SESTD1: variants seen among roughly 807,000 people sequenced by gnomAD.
The protein encoded by SESTD1 is SEC14 and spectrin domain containing 1.
In SESTD1, 43 loss-of-function variants were observed where a neutral mutation model predicts 101.7. The ratio of observed to expected loss-of-function variants is 0.42; its 90% CI spans 0.33 to 0.55. The LOEUF (loss-of-function observed/expected upper bound fraction) is 0.55. Ranked by LOEUF, SESTD1 falls within the 20% of genes least tolerant of loss-of-function variation. SESTD1 has a pLI of 0.07. For missense variants in SESTD1, 647 were observed against 815.1 expected, an observed-to-expected ratio of 0.79 and a Z score of 2.51; for synonymous variants, 283 against 286.8, an observed-to-expected ratio of 0.99 and a Z score of 0.13.
chr2:179,196,362 T>C (rs1057151025), intron 1 of SESTD1, among the ~76,000 whole-genome samples: 4 of 152,154 alleles, frequency 2.6e-5, no homozygotes, highest in Non-Finnish European at 4.4e-5. Context: ...AACTGCAAGG[T>C]GGCAGTGAGG....
In SESTD1 at chr2:179,113,994, TTC is replaced by T. The variant is rs150079812; in HGVS notation, c.1839+1069_1839+1070del. On this transcript the variant is annotated intron_variant, in intron 16 of 17. Transcript: ENST00000428443. ...GGGGAGCTTCTGGGTGCTGGTAATGTTCTGTTTTTTTTGAACAGTACACTGAG... is the reference window on the plus strand; with the variant it reads ...GGGGAGCTTCTGGGTGCTGGTAATGTTGTTTTTTTTGAACAGTACACTGAG... Among the ~76,000 whole-genome samples, 641 of 152,234 alleles carry T rather than the reference TTC, an allele frequency of 4.2e-3. 2 individuals carry two copies. Among genetic ancestry groups the T allele is most frequent in the African/African-American group, 0.014 (593 of 41,540 alleles).
At chr2:179,192,322 T>C (rs1332798798) in intron 1 of SESTD1, among the ~76,000 whole-genome samples, 1 of 152,208 alleles carries the variant, frequency 6.6e-6, no homozygotes. Context: ...TAATGCCAAA[T>C]ATCTGATTCT....
chr2:179,116,430 C>T (rs1486543774), intron 15 of SESTD1: 9 of 549,766 alleles, frequency 1.6e-5, no homozygotes, highest in Admixed American at 3.0e-5. Context: ...TTAAAAATGC[C>T]GTAATACATA....
chr2:179,149,720 G>C (rs537489380), intron 6 of SESTD1, among the ~76,000 whole-genome samples: 10 of 152,124 alleles, frequency 6.6e-5, no homozygotes, highest in African/African-American at 2.4e-4. Context: ...TTTAGAACAC[G>C]CTAAGTCTCT....
rs533767431 is a variant in SESTD1 at position 179,107,186 on chromosome 2, G to C, written c.*2713C>G. On this transcript the variant is annotated 3_prime_UTR_variant, in exon 18 of 18. Transcript: ENST00000428443. ...TTTTTCACACGTTTACCTTAAGTGA[G>C]CTTTGACCCTATGGAAGAAAGTTGC... 5 of 152,158 alleles carry C rather than the reference G, an allele frequency of 3.3e-5. No homozygotes were observed. The highest frequency in any genetic ancestry group is 7.4e-5 in the Non-Finnish European group (5 of 68,020). 9.4% of individuals were successfully genotyped at this position (152,158 alleles called of 1,614,324 possible).
At chr2:179,238,949 C>A (rs892792105) in intron 1 of SESTD1, among the ~76,000 whole-genome samples, 12 of 152,290 alleles carry the variant, frequency 7.9e-5, no homozygotes, top group African/African-American at 2.9e-4. Flanking sequence ...AAATTAAATA[C>A]ATTAACTACT....
intron 1 of SESTD1, among the ~76,000 whole-genome samples, chr2:179,262,212 G>A (rs906351210): frequency 7.9e-5 from 12 of 152,114 alleles, no homozygotes; most frequent in African/African-American, 2.9e-4. Flanking sequence ...GGGGAAGGGG[G>A]AATAGTAACA....
At chr2:179,225,750 A>T (rs112103349) in intron 1 of SESTD1, among the ~76,000 whole-genome samples, 2 of 152,252 alleles carry the variant, frequency 1.3e-5, no homozygotes, top group African/African-American at 4.8e-5. Context: ...AAAGTGGGAG[A>T]GCAAGAGAGC....
At chr2:179,145,581 G>A (rs764488771) in intron 8 of SESTD1, among the ~76,000 whole-genome samples, 1 of 152,196 alleles carries the variant, frequency 6.6e-6, no homozygotes, top group South Asian at 2.1e-4. Flanking sequence ...TAGAGTTTGT[G>A]AAACTGCTAC....
At position 179,107,604 on chromosome 2, in the gene SESTD1, TAAGAA is replaced by T. The variant is rs2044412036; in HGVS notation, c.*2290_*2294del. The T allele has an allele frequency of 6.6e-6, 1 of 152,132 alleles. No homozygotes were observed. The allele number at this position is 152,132 out of a possible 1,614,324, so 9.4% of individuals were successfully genotyped here. A position where few individuals can be genotyped will look rare whatever the true frequency, so the allele number is the denominator to read the frequency against. ...CTAAAGTAGTTAGTATCTAAGAATC[TAAGAA>T]TAGATTCACTTGTAAGTCAGTTCTA... On this transcript the variant is annotated 3_prime_UTR_variant, in exon 18 of 18. Coordinates refer to ENST00000428443, the MANE Select transcript of SESTD1 (RefSeq NM_178123.5).
At position 179,259,052 on chromosome 2, in the gene SESTD1, A is replaced by G. The variant is rs75043905; in HGVS notation, c.-26+5447T>C. ...ATCCCAGGAGTGAATACTTGTAATG[A>G]GCCAAAGAATATTCCCAGGACTGGG... On this transcript the variant is annotated intron_variant, in intron 1 of 17. Transcript: ENST00000428443. Among the ~76,000 whole-genome samples, 643 of 152,296 alleles carry G rather than the reference A, an allele frequency of 4.2e-3. 2 individuals are homozygous for G. Among genetic ancestry groups the G allele is most frequent in the African/African-American group, 0.014 (594 of 41,550 alleles).
intron 1 of SESTD1, among the ~76,000 whole-genome samples, chr2:179,207,100 G>C (rs1287723928): frequency 7.5e-6 from 1 of 133,458 alleles, no homozygotes; most frequent in African/African-American, 3.0e-5. Flanking sequence ...CGATGGTTTT[G>C]CTCTATCTGC....
intron 1 of SESTD1, among the ~76,000 whole-genome samples, chr2:179,253,500 T>G (rs2047348264): frequency 6.6e-6 from 1 of 152,180 alleles, no homozygotes; most frequent in Non-Finnish European, 1.5e-5. Flanking sequence ...GCAACTGTTC[T>G]GCAAATCCAA....
intron 10 of SESTD1, 180 bp downstream of exon 10, chr2:179,132,124 A>G: frequency 3.3e-6 from 2 of 600,666 alleles, no homozygotes; most frequent in Non-Finnish European, 5.1e-6. Flanking sequence ...ACCAAAAACA[A>G]CCTTCTAATT....
In SESTD1 at chr2:179,149,367, T is replaced by C; in HGVS notation, c.511A>G (p.Thr171Ala). 6.2e-7 allele frequency: 1 copy of C among 1,606,202 alleles called. No homozygotes were observed. Among genetic ancestry groups the C allele is most frequent in the Non-Finnish European group, 8.5e-7 (1 of 1,177,690 alleles). ...LVFEKFTKES[T>A]SLLDELALIN... is the part of the protein sequence containing the mutation. Reference sequence around the variant, plus strand: ...AAAGCAAGTTCATCTAATAATGATGTAGATTCCTTTGTAAACTTCTCAAAA... The same window carrying C: ...AAAGCAAGTTCATCTAATAATGATGCAGATTCCTTTGTAAACTTCTCAAAA... The change falls in exon 7 of 18, where the codon ACA becomes GCA. Residue 171 changes from threonine (T) to alanine (A), a missense_variant. Coordinates refer to ENST00000428443, the MANE Select transcript of SESTD1 (RefSeq NM_178123.5).
intron 2 of SESTD1, among the ~76,000 whole-genome samples, chr2:179,187,542 G>A (rs1195529375): frequency 6.6e-6 from 1 of 152,172 alleles, no homozygotes; most frequent in African/African-American, 2.4e-5. Flanking sequence ...GCTGAGGTGG[G>A]AGGACTGCTT....
chr2:179,249,001 G>C (rs2047273757), intron 1 of SESTD1, among the ~76,000 whole-genome samples: 1 of 151,000 alleles, frequency 6.6e-6, no homozygotes, highest in Non-Finnish European at 1.5e-5. Flanking sequence ...TGAGGTGGAA[G>C]GATCACTTGA....
chr2:179,127,173 A>C (rs2044892664), intron 10 of SESTD1, among the ~76,000 whole-genome samples: 1 of 152,186 alleles, frequency 6.6e-6, no homozygotes, highest in African/African-American at 2.4e-5. Context: ...TACTCTAGCC[A>C]CACCAACATT....
chr2:179,195,729 T>C (rs1255404079), intron 1 of SESTD1, among the ~76,000 whole-genome samples: 1 of 152,046 alleles, frequency 6.6e-6, no homozygotes, highest in Admixed American at 6.6e-5. Context: ...AAATAATTTT[T>C]CCCTAATTCA....
Sources: gnomAD v4.1 joint callset for allele counts (sites outside exome capture counted in the v4.1 genomes callset) on GRCh38, gnomAD v4.1.1 for gene constraint, MANE v1.5 for transcripts, NCBI Gene and HGNC (gene_info 2026-07-23, HGNC 2026-07-21) for gene names.